ACTR3C: variants seen among roughly 807,000 people sequenced by gnomAD.
ACTR3C encodes actin-related protein 3C.
ACTR3C carries 18 observed loss-of-function variants against 26.3 expected under a neutral mutation model. That is an observed-to-expected ratio of 0.68 (90% CI 0.47 to 1.01). The LOEUF (loss-of-function observed/expected upper bound fraction) is 1.01. Among genes scored for constraint, ACTR3C ranks in the 50% least tolerant of loss-of-function variants. The pLI is 0.00. For missense variants in ACTR3C, 184 were observed against 250.7 expected, an observed-to-expected ratio of 0.73 and a Z score of 1.80; for synonymous variants, 55 against 94.5, an observed-to-expected ratio of 0.58 and a Z score of 2.42.
chr7:150,046,904 C>T, the ACTR3C span, among the ~76,000 whole-genome samples: 2 of 151,562 alleles, frequency 1.3e-5, no homozygotes, highest in African/African-American at 4.9e-5. Context: ...TCACTGAACA[C>T]GGTCTAAGGC....
chr7:150,036,088 C>T, the ACTR3C span, among the ~76,000 whole-genome samples: 8 of 131,332 alleles, frequency 6.1e-5, no homozygotes, highest in South Asian at 2.3e-4. Flanking sequence ...TGCTCCCCCC[C>T]CTGCGATGGG....
chr7:150,278,343 C>G (rs1490352857), intron 6 of ACTR3C, among the ~76,000 whole-genome samples: 1 of 152,250 alleles, frequency 6.6e-6, no homozygotes, highest in Non-Finnish European at 1.5e-5. Context: ...AAGGCTGTTC[C>G]TCAGCTGCAC....
the ACTR3C span, among the ~76,000 whole-genome samples, chr7:149,954,519 A>G: frequency 6.6e-6 from 1 of 152,180 alleles, no homozygotes; most frequent in Non-Finnish European, 1.5e-5. Flanking sequence ...ATATCTGCCC[A>G]TTGATTTATA....
the ACTR3C span, among the ~76,000 whole-genome samples, chr7:149,883,652 T>G: frequency 1.3e-5 from 2 of 152,162 alleles, no homozygotes; most frequent in Admixed American, 6.5e-5. Context: ...TGCGCATTGC[T>G]GGGGGTGGAT....
the ACTR3C span, among the ~76,000 whole-genome samples, chr7:150,137,386 C>T: frequency 6.6e-6 from 1 of 152,172 alleles, no homozygotes; most frequent in African/African-American, 2.4e-5. Context: ...ACACTAAAGC[C>T]CCCATAGTGC....
the ACTR3C span, among the ~76,000 whole-genome samples, chr7:150,193,073 C>T: frequency 6.6e-6 from 1 of 152,296 alleles, no homozygotes; most frequent in South Asian, 2.1e-4. Context: ...GACTTTGGAA[C>T]ATACCCACTT....
the ACTR3C span, among the ~76,000 whole-genome samples, chr7:150,056,396 G>A: frequency 6.6e-6 from 1 of 152,176 alleles, no homozygotes; most frequent in Non-Finnish European, 1.5e-5. Context: ...ACTGTGGACT[G>A]TAACTTTATC....
rs1032024816 is a variant in ACTR3C, at chr7:150,319,324, T to C, written c.-52+4145A>G. Among the ~76,000 whole-genome samples the C allele has an allele frequency of 2.6e-5, 4 of 151,966 alleles. No homozygotes were observed. The East Asian group carries it at 7.7e-4, about 29-fold the overall frequency. On this transcript the variant is annotated intron_variant, in intron 1 of 7. Transcript: ENST00000683684. Reference sequence around the variant, plus strand: ...TCAGGTTCAAGCGATTCTCCTGCCTTGGCCTCCCGAATAGCTGGGATTACA... The same window carrying C: ...TCAGGTTCAAGCGATTCTCCTGCCTCGGCCTCCCGAATAGCTGGGATTACA...
At chr7:150,255,921 T>C (rs1261114340) in intron 6 of ACTR3C, among the ~76,000 whole-genome samples, 1 of 152,232 alleles carries the variant, frequency 6.6e-6, no homozygotes, top group Admixed American at 6.5e-5. Flanking sequence ...AATGGACACA[T>C]GCTTTGAAAT....
the ACTR3C span, among the ~76,000 whole-genome samples, chr7:150,190,561 T>C: frequency 5.3e-5 from 8 of 152,244 alleles, no homozygotes; most frequent in African/African-American, 1.9e-4. Flanking sequence ...TTATTTTTCA[T>C]ACGCATGTCC....
the ACTR3C span, among the ~76,000 whole-genome samples, chr7:150,135,238 C>T: frequency 6.6e-6 from 1 of 152,140 alleles, no homozygotes; most frequent in Non-Finnish European, 1.5e-5. Context: ...CGCCACTGCG[C>T]TCCAACCCGG....
the ACTR3C span, among the ~76,000 whole-genome samples, chr7:150,102,720 C>A: frequency 2.0e-5 from 3 of 151,044 alleles, no homozygotes; most frequent in South Asian, 2.1e-4. Flanking sequence ...TCAACAGGGC[C>A]ACCTTCCATG....
At chr7:150,109,151 T>C in the ACTR3C span, among the ~76,000 whole-genome samples, 2 of 151,990 alleles carry the variant, frequency 1.3e-5, 1 homozygote, top group Non-Finnish European at 2.9e-5. Flanking sequence ...AGACTCTAAA[T>C]ATCCCTGCTG....
chr7:149,936,871 C>T, the ACTR3C span, among the ~76,000 whole-genome samples: 4 of 151,910 alleles, frequency 2.6e-5, no homozygotes, highest in Non-Finnish European at 5.9e-5. Flanking sequence ...TCACTGCCGC[C>T]TTGACCCTGC....
the ACTR3C span, among the ~76,000 whole-genome samples, chr7:150,038,179 G>A: frequency 0.66 from 89,919 of 135,496 alleles, 33,712 homozygotes; most frequent in African/African-American, 0.79. Context: ...TTCAGGTTTT[G>A]CCCAAGAATC....
At chr7:150,308,761 C>T (rs1332263306) in intron 1 of ACTR3C, among the ~76,000 whole-genome samples, 6 of 152,160 alleles carry the variant, frequency 3.9e-5, no homozygotes, top group Non-Finnish European at 5.9e-5. Flanking sequence ...GTCTGGCTTA[C>T]AGTTTCATTC....
the ACTR3C span, among the ~76,000 whole-genome samples, chr7:150,208,697 G>C: frequency 6.6e-6 from 1 of 152,128 alleles, no homozygotes; most frequent in African/African-American, 2.4e-5. Flanking sequence ...CTCTGAAGTA[G>C]GTTTAGGAAT....
chr7:150,148,391 C>T, the ACTR3C span, among the ~76,000 whole-genome samples: 2 of 151,978 alleles, frequency 1.3e-5, no homozygotes, highest in African/African-American at 4.8e-5. Flanking sequence ...GCAGGAGAAT[C>T]GCTTGCACCC....
At chr7:149,953,250 CAT>C in the ACTR3C span, among the ~76,000 whole-genome samples, 3 of 149,466 alleles carry the variant, frequency 2.0e-5, no homozygotes, top group African/African-American at 5.1e-5. Context: ...GTTAAATAAA[CAT>C]AGAGCTAAGT....
Sources: gnomAD v4.1 joint callset for allele counts (sites outside exome capture counted in the v4.1 genomes callset) on GRCh38, gnomAD v4.1.1 for gene constraint, MANE v1.5 for transcripts, NCBI Gene and HGNC (gene_info 2026-07-23, HGNC 2026-07-21) for gene names.